GALNT17: variants seen among roughly 807,000 people sequenced by gnomAD.
The protein encoded by GALNT17 is polypeptide N-acetylgalactosaminyltransferase 17.
In GALNT17, 29 loss-of-function variants were observed where a neutral mutation model predicts 63.7. The observed-to-expected ratio is 0.46, with a 90% CI of 0.34 to 0.62. The LOEUF (loss-of-function observed/expected upper bound fraction) is 0.62. GALNT17 is among the 20% of genes least tolerant of loss of function. The pLI is 0.01. For missense variants in GALNT17, 603 were observed against 799.6 expected, an observed-to-expected ratio of 0.75 and a Z score of 2.97; for synonymous variants, 305 against 318.3, an observed-to-expected ratio of 0.96 and a Z score of 0.45.
chr7:71,153,611 G>A (rs1424118308), intron 1 of GALNT17, among the ~76,000 whole-genome samples: 1 of 152,144 alleles, frequency 6.6e-6, no homozygotes, highest in Non-Finnish European at 1.5e-5. Flanking sequence ...CCTAGGTGTG[G>A]TGGTTTAAAA....
At chr7:71,709,568 C>A (rs1791762696) in intron 9 of GALNT17, among the ~76,000 whole-genome samples, 1 of 133,186 alleles carries the variant, frequency 7.5e-6, no homozygotes, top group African/African-American at 2.7e-5. Context: ...ATTTTAGTTT[C>A]AGTTTTTGGG....
At chr7:71,417,756 T>C (rs1395424488) in intron 4 of GALNT17, among the ~76,000 whole-genome samples, 2 of 152,240 alleles carry the variant, frequency 1.3e-5, no homozygotes, top group Non-Finnish European at 2.9e-5. Context: ...GTCTTTTCCT[T>C]GGCATCATTG....
intron 5 of GALNT17, among the ~76,000 whole-genome samples, chr7:71,460,948 T>A (rs1232578279): frequency 6.6e-6 from 1 of 152,192 alleles, no homozygotes; most frequent in East Asian, 1.9e-4. Context: ...CTTTATGACC[T>A]GTATCTTGTG....
Position 71,208,850 on chromosome 7 carries a change from G to C in GALNT17, c.238+75810G>C, listed in dbSNP as rs539927085. ...GATATGATATGGGCTTCCAGGAATG[G>C]AATCTCCACTTACAACATTACACTC... On this transcript the variant is annotated intron_variant, in intron 1 of 10. Coordinates refer to ENST00000333538, the MANE Select transcript of GALNT17 (RefSeq NM_022479.3). Among the ~76,000 whole-genome samples the C allele has an allele frequency of 4.6e-5, 7 of 152,194 alleles. No individual in the cohort carries two copies. In the South Asian group the frequency reaches 1.5e-3, roughly 32 times the overall value.
At chr7:71,446,613 A>G (rs1270900947) in intron 5 of GALNT17, among the ~76,000 whole-genome samples, 1 of 152,160 alleles carries the variant, frequency 6.6e-6, no homozygotes, top group Non-Finnish European at 1.5e-5. Context: ...CAATGGCATG[A>G]TCTCGGCTCA....
intron 2 of GALNT17, among the ~76,000 whole-genome samples, chr7:71,369,253 A>G (rs1033340594): frequency 2.6e-5 from 4 of 152,222 alleles, no homozygotes; most frequent in African/African-American, 9.6e-5. Flanking sequence ...CAGTAGATAT[A>G]TCAGCCAAAG....
intron 1 of GALNT17, among the ~76,000 whole-genome samples, chr7:71,249,048 T>C (rs1312619946): frequency 6.6e-6 from 1 of 152,204 alleles, no homozygotes; most frequent in Admixed American, 6.5e-5. Context: ...CCATTGTCAT[T>C]ATAATGTTTG....
At chr7:71,701,743 G>GTA (rs1443283161) in intron 9 of GALNT17, among the ~76,000 whole-genome samples, 7 of 20,506 alleles carry the variant, frequency 3.4e-4, no homozygotes, top group African/African-American at 5.6e-4. Context: ...ATATATATGT[G>GTA]TATATATATG....
intron 2 of GALNT17, among the ~76,000 whole-genome samples, chr7:71,341,122 G>A (rs1248276538): frequency 6.6e-6 from 1 of 152,172 alleles, no homozygotes; most frequent in East Asian, 1.9e-4. Flanking sequence ...GGCTGTGACA[G>A]TAGGAACACT....
chr7:71,513,389 T>G (rs111721408), intron 5 of GALNT17, among the ~76,000 whole-genome samples: 118 of 152,198 alleles, frequency 7.8e-4, no homozygotes, highest in East Asian at 2.5e-3. Flanking sequence ...TTTGTTTTTT[T>G]GTTTTTTGGT....
At chr7:71,606,913 G>A (rs1407433401) in intron 6 of GALNT17, among the ~76,000 whole-genome samples, 1 of 152,190 alleles carries the variant, frequency 6.6e-6, no homozygotes, top group Non-Finnish European at 1.5e-5. Context: ...TGAAAGACAA[G>A]GGTAGTGGGG....
At chr7:71,469,023 T>C (rs1274658250) in intron 5 of GALNT17, among the ~76,000 whole-genome samples, 3 of 152,102 alleles carry the variant, frequency 2.0e-5, no homozygotes, top group African/African-American at 7.2e-5. Context: ...CAAAGTGACA[T>C]GCGTGCTCTG....
intron 1 of GALNT17, among the ~76,000 whole-genome samples, chr7:71,293,974 A>G (rs1791030705): frequency 6.6e-6 from 1 of 152,130 alleles, no homozygotes; most frequent in African/African-American, 2.4e-5. Flanking sequence ...CCTGGCTAAC[A>G]CGGTAAAACC....
At position 71,132,903 on chromosome 7, in the gene GALNT17, G is replaced by A. The variant is rs763584449; in HGVS notation, c.101G>A (p.Arg34His). The change falls in exon 1 of 11, where the codon CGC (arginine) becomes CAC (histidine). Residue 34 changes from arginine (R) to histidine (H), a missense_variant. Physicochemically the swap from Arg to His is conservative, Grantham distance 29. Transcript: ENST00000333538. Reference sequence around the variant, plus strand: ...GCCAAGTGCCGGCCCATCGCGGTGCGCAGCGGAGACGCCTTCCACGAGATC... The same window carrying A: ...GCCAAGTGCCGGCCCATCGCGGTGCACAGCGGAGACGCCTTCCACGAGATC... ...FLAKCRPIAV[R>H]SGDAFHEIRP... 5.7e-5 allele frequency: 92 copies of A among 1,612,498 alleles called. No individual in the cohort carries two copies. Among genetic ancestry groups the A allele is most frequent in the Non-Finnish European group, 7.4e-5 (87 of 1,179,576 alleles).
intron 6 of GALNT17, among the ~76,000 whole-genome samples, chr7:71,631,437 T>C (rs950397250): frequency 6.6e-6 from 1 of 152,030 alleles, no homozygotes; most frequent in African/African-American, 2.4e-5. Context: ...CTATCATCCC[T>C]TATTGGCCTC....
At position 71,164,721 on chromosome 7, in the gene GALNT17, G is replaced by A. The variant is rs188932579; in HGVS notation, c.238+31681G>A. 9.9e-5 allele frequency among the ~76,000 whole-genome samples: 15 copies of A among 152,246 alleles called. No individual in the cohort carries two copies. The East Asian group carries it at 2.7e-3, about 27-fold the overall frequency. On this transcript the variant is annotated intron_variant, in intron 1 of 10. Transcript: ENST00000333538. ...AGTGTGTGTGTGTGCATGTGACAAG[G>A]TACTTATTTTATCCTGCTGTCAGTC... is the stretch of plus-strand genomic sequence containing the variant.
intron 1 of GALNT17, among the ~76,000 whole-genome samples, chr7:71,172,553 T>C (rs918986077): frequency 6.6e-6 from 1 of 151,902 alleles, no homozygotes; most frequent in Non-Finnish European, 1.5e-5. Context: ...CTGTCTCTAA[T>C]GTGATCTGTG....
intron 3 of GALNT17, among the ~76,000 whole-genome samples, chr7:71,388,614 C>G (rs1388912783): frequency 1.3e-5 from 2 of 152,026 alleles, no homozygotes; most frequent in Non-Finnish European, 2.9e-5. Flanking sequence ...GCAACCTCCA[C>G]CTCCCGGGTT....
rs539303306 is a variant in GALNT17 at position 71,600,403 on chromosome 7, G to A, written c.1080+29001G>A. 1.4e-3 allele frequency among the ~76,000 whole-genome samples: 210 copies of A among 150,278 alleles called. 1 individual carries two copies. The South Asian group carries it at 0.027, about 19-fold the overall frequency. Reference sequence around the variant, plus strand: ...TGGGGAACCAGAGGGTACATTGGGAGGATCAGGCAGGGGATTAGCAAGGCA... The same window carrying A: ...TGGGGAACCAGAGGGTACATTGGGAAGATCAGGCAGGGGATTAGCAAGGCA... On this transcript the variant is annotated intron_variant, in intron 6 of 10. Transcript: ENST00000333538.
Sources: gnomAD v4.1 joint callset for allele counts (sites outside exome capture counted in the v4.1 genomes callset) on GRCh38, gnomAD v4.1.1 for gene constraint, MANE v1.5 for transcripts, NCBI Gene and HGNC (gene_info 2026-07-23, HGNC 2026-07-21) for gene names.